Variants in PCDHA6 observed in about 807,000 individuals in gnomAD.
The protein encoded by PCDHA6 is protocadherin alpha 6.
In PCDHA6, 55 loss-of-function variants were observed where a neutral mutation model predicts 60.3. The observed-to-expected ratio is 0.91, with a 90% CI of 0.73 to 1.14. The LOEUF (loss-of-function observed/expected upper bound fraction) is 1.14. Among genes scored for constraint, PCDHA6 ranks in the 50% most tolerant of loss-of-function variants. The probability of loss-of-function intolerance (pLI) is 0.00; values close to 1 mark genes in which losing one functional copy is unlikely to be tolerated. For missense variants in PCDHA6, 1,327 were observed against 1,256.5 expected (o/e 1.06, Z -0.85); for synonymous variants, 652 against 557.9 (o/e 1.17, Z -2.38).
chr5:140,855,814 G>T, intron 1 of PCDHA6: 1 of 513,024 alleles, frequency 1.9e-6, no homozygotes, highest in Non-Finnish European at 3.4e-6. Context: ...AAGAAAAGTT[G>T]TGAACTCATG....
intron 1 of PCDHA6, chr5:140,843,178 C>T (rs1188166294): frequency 6.3e-7 from 1 of 1,595,986 alleles, no homozygotes; most frequent in Non-Finnish European, 8.6e-7. Context: ...GCAGCCCTCG[C>T]ATCCCGTTCC....
chr5:140,887,950 A>G (rs1397658604), intron 1 of PCDHA6, among the ~76,000 whole-genome samples: 1 of 152,110 alleles, frequency 6.6e-6, no homozygotes, highest in Non-Finnish European at 1.5e-5. Context: ...TATCTGTATA[A>G]GATTCTTTTT....
chr5:140,931,319 T>A (rs1237988294), intron 1 of PCDHA6, among the ~76,000 whole-genome samples: 3 of 152,086 alleles, frequency 2.0e-5, no homozygotes, highest in Non-Finnish European at 4.4e-5. Flanking sequence ...ATACCAGTAA[T>A]GGCTGTAAAG....
chr5:140,911,693 CAAAT>C, intron 1 of PCDHA6, among the ~76,000 whole-genome samples: 1 of 152,156 alleles, frequency 6.6e-6, no homozygotes, highest in East Asian at 1.9e-4. Flanking sequence ...TCAGGAGTGT[CAAAT>C]GAATTTATTT....
intron 1 of PCDHA6, chr5:140,858,192 T>A: frequency 6.3e-7 from 1 of 1,597,272 alleles, no homozygotes; most frequent in Non-Finnish European, 8.6e-7. Context: ...ACGCTGCTGC[T>A]GTACACTGCA....
intron 1 of PCDHA6, among the ~76,000 whole-genome samples, chr5:140,833,392 A>G (rs1162626045): frequency 6.6e-6 from 1 of 152,232 alleles, no homozygotes; most frequent in Admixed American, 6.5e-5. Context: ...GAAATACCTC[A>G]AGACTTGATC....
intron 1 of PCDHA6, among the ~76,000 whole-genome samples, chr5:140,895,075 A>C (rs1309295177): frequency 6.6e-6 from 1 of 152,102 alleles, no homozygotes; most frequent in Admixed American, 6.5e-5. Flanking sequence ...AATTCCTATC[A>C]GTTCCTCCTC....
In PCDHA6 at chr5:140,978,987, C is replaced by T; in HGVS notation, c.2433C>T (p.Ser811=). 4 of 1,614,162 alleles carry T rather than the reference C, an allele frequency of 2.5e-6. No homozygotes were observed. In the South Asian group the frequency reaches 3.3e-5, roughly 13 times the overall value. The change falls in exon 2 of 4, where the codon TCC becomes TCT. Residue 811 remains serine (S), a synonymous_variant. Transcript: ENST00000529310. ...QPNPDWRYSA[S]LRAGMHSSVH... ...ACCCTGACTGGCGTTACTCTGCCTC[C>T]CTGAGAGCAGGCATGCACAGGTATG...
At position 140,884,053 on chromosome 5, in the gene PCDHA6, C is replaced by A. The variant is rs782043806; in HGVS notation, c.2394+53568C>A. The stretch of plus-strand genomic sequence containing the variant: ...CAGGCCACGTGGTGGCGAAGGTGCG[C>A]GCGGTGGACGCCGATTCGGGCTACA... On this transcript the variant is annotated intron_variant, in intron 1 of 3. Transcript: ENST00000529310. 10 of 1,613,378 alleles carry A rather than the reference C, an allele frequency of 6.2e-6. No homozygotes were observed. The Admixed American group carries it at 1.2e-4, about 19-fold the overall frequency.
chr5:140,980,824 A>G (rs2096907010), intron 2 of PCDHA6, among the ~76,000 whole-genome samples: 1 of 152,192 alleles, frequency 6.6e-6, no homozygotes, highest in Non-Finnish European at 1.5e-5. Flanking sequence ...ATATTAAATG[A>G]GTTGTGAACC....
chr5:140,931,414 T>C (rs2087515742), intron 1 of PCDHA6, among the ~76,000 whole-genome samples: 1 of 151,886 alleles, frequency 6.6e-6, no homozygotes, highest in Non-Finnish European at 1.5e-5. Context: ...GGCTGATGAA[T>C]CTAGAAGTTA....
At position 140,968,564 on chromosome 5, in the gene PCDHA6, G is replaced by A. The variant is rs565573880; in HGVS notation, c.2395-10385G>A. ...CGAGATGGTGCCTCGAACTGCCCCT[G>A]CTGGCTACCTGGTCACCAAAGTCAT... On this transcript the variant is annotated intron_variant, in intron 1 of 3. Coordinates refer to ENST00000529310, the MANE Select transcript of PCDHA6 (RefSeq NM_018909.4). 3.1e-6 allele frequency: 5 copies of A among 1,614,168 alleles called. No homozygotes were observed. The Admixed American group carries it at 8.3e-5, about 27-fold the overall frequency.
chr5:140,989,733 C>T (rs31874), intron 3 of PCDHA6, among the ~76,000 whole-genome samples: 120,660 of 152,102 alleles, frequency 0.79, 48,852 homozygotes, highest in East Asian at 0.98. Context: ...GTTGAAAAGG[C>T]CATTGCCTAA....
chr5:140,868,938 T>A (rs2050744008), intron 1 of PCDHA6: 1 of 1,227,724 alleles, frequency 8.1e-7, no homozygotes, highest in Non-Finnish European at 1.1e-6. Flanking sequence ...AAGGTTGGTC[T>A]GAACAGTGAG....
intron 1 of PCDHA6, chr5:140,861,573 G>T: frequency 2.7e-6 from 1 of 368,992 alleles, no homozygotes. Context: ...GCTGCTACAG[G>T]TTTTCCATGT....
intron 1 of PCDHA6, among the ~76,000 whole-genome samples, chr5:140,937,282 C>T (rs2091446146): frequency 6.6e-6 from 1 of 152,060 alleles, no homozygotes; most frequent in Admixed American, 6.6e-5. Context: ...CGTGATTCAC[C>T]CGCTTCGGCC....
At chr5:140,937,142 A>G (rs1362886135) in intron 1 of PCDHA6, among the ~76,000 whole-genome samples, 1 of 147,852 alleles carries the variant, frequency 6.8e-6, no homozygotes, top group Non-Finnish European at 1.5e-5. Context: ...GGTTCATGCC[A>G]TTCTCCTGCC....
intron 1 of PCDHA6, chr5:140,928,384 C>G (rs246074): frequency 0.52 from 841,304 of 1,613,674 alleles, 221,696 homozygotes; most frequent in African/African-American, 0.71. Flanking sequence ...CTCTAGCTTG[C>G]TGGCAGTGGA....
In PCDHA6 at chr5:140,870,004, G is replaced by T. The variant is rs374513388; in HGVS notation, c.2394+39519G>T. 129 of 1,613,494 alleles carry T rather than the reference G, an allele frequency of 8.0e-5. No homozygotes were observed. Among genetic ancestry groups the T allele is most frequent in the Non-Finnish European group, 1.1e-4 (126 of 1,179,842 alleles). The stretch of plus-strand genomic sequence containing the variant: ...TACACTAGATCAAAATAATGGAGAA[G>T]TGAGGGTCAATGGAACTTTAGATTA... On this transcript the variant is annotated intron_variant, in intron 1 of 3. Coordinates refer to ENST00000529310, the MANE Select transcript of PCDHA6 (RefSeq NM_018909.4).
Sources: allele counts gnomAD v4.1 joint callset (sites outside exome capture counted in the v4.1 genomes callset), GRCh38; gene constraint gnomAD v4.1.1; transcripts MANE v1.5; gene names NCBI Gene and HGNC (gene_info 2026-07-23, HGNC 2026-07-21).